GPC5: variants seen among roughly 807,000 people sequenced by gnomAD.
The protein encoded by GPC5 is glypican 5, also known as glypican-5.
Under a neutral mutation model 53.9 loss-of-function variants are expected in GPC5, and 47 were observed. That is an observed-to-expected ratio of 0.87 (90% CI 0.69 to 1.11). The LOEUF (loss-of-function observed/expected upper bound fraction) is 1.11. Ranked by LOEUF, GPC5 falls within the 50% of genes most tolerant of loss-of-function variation. The probability of loss-of-function intolerance (pLI) is 0.00; values close to 1 mark genes in which losing one functional copy is unlikely to be tolerated. For missense variants in GPC5, 748 were observed against 713.1 expected, an observed-to-expected ratio of 1.05 and a Z score of -0.56; for synonymous variants, 286 against 263.3, an observed-to-expected ratio of 1.09 and a Z score of -0.84.
intron 7 of GPC5, among the ~76,000 whole-genome samples, chr13:92,748,253 T>A (rs1318739150): frequency 1.3e-5 from 2 of 151,198 alleles, no homozygotes; most frequent in African/African-American, 2.4e-5. Flanking sequence ...GTAGTAATAA[T>A]GTAAGACAAA....
At chr13:92,740,311 T>C (rs1889049957) in intron 7 of GPC5, among the ~76,000 whole-genome samples, 2 of 152,086 alleles carry the variant, frequency 1.3e-5, no homozygotes, top group African/African-American at 2.4e-5. Context: ...TATTCTGTCC[T>C]CTGATTTTTC....
intron 7 of GPC5, among the ~76,000 whole-genome samples, chr13:92,638,479 T>A (rs1393346100): frequency 6.6e-6 from 1 of 152,060 alleles, no homozygotes; most frequent in Non-Finnish European, 1.5e-5. Flanking sequence ...GATCACCCAC[T>A]CATCTGGCTG....
At chr13:92,439,073 A>G (rs117421253) in intron 7 of GPC5, among the ~76,000 whole-genome samples, 1,568 of 152,270 alleles carry the variant, frequency 0.01, 19 homozygotes, top group Middle Eastern at 0.034. Flanking sequence ...AATTGGAGTT[A>G]CAAGAGCTAA....
intron 7 of GPC5, among the ~76,000 whole-genome samples, chr13:92,642,513 G>C (rs1007340919): frequency 6.6e-6 from 1 of 152,162 alleles, no homozygotes; most frequent in African/African-American, 2.4e-5. Context: ...TGAGCTCCCT[G>C]CTCCCTCAAC....
Position 92,456,046 on chromosome 13 carries a change from A to G in GPC5, c.1561+311057A>G, listed in dbSNP as rs543027689. Among the ~76,000 whole-genome samples, 22 of 152,308 alleles carry G rather than the reference A, an allele frequency of 1.4e-4. No individual in the cohort carries two copies. The South Asian group carries it at 3.7e-3, about 26-fold the overall frequency. On this transcript the variant is annotated intron_variant, in intron 7 of 7. Transcript: ENST00000377067. ...TTTTTCTTTTAAAAAATAAATCACC[A>G]TATTTTAATTGCTTTAAAAAGGATA...
chr13:91,659,715 T>C (rs1260482056), intron 2 of GPC5, among the ~76,000 whole-genome samples: 1 of 152,168 alleles, frequency 6.6e-6, no homozygotes, highest in Non-Finnish European at 1.5e-5. Flanking sequence ...TAGGTAGTAC[T>C]ATATGGTGCC....
chr13:91,686,943 C>A (rs1001168044), intron 2 of GPC5, among the ~76,000 whole-genome samples: 3 of 151,908 alleles, frequency 2.0e-5, no homozygotes, highest in African/African-American at 7.2e-5. Flanking sequence ...ATTGTAAAAT[C>A]ATCTGATTTT....
intron 6 of GPC5, among the ~76,000 whole-genome samples, chr13:91,954,032 CTTATG>C (rs1289099889): frequency 6.6e-6 from 1 of 152,092 alleles, no homozygotes; most frequent in Non-Finnish European, 1.5e-5. Context: ...AAAAAACTTT[CTTATG>C]TTGACAAAAA....
At chr13:91,616,599 C>T (rs1566555903) in intron 2 of GPC5, among the ~76,000 whole-genome samples, 1 of 151,922 alleles carries the variant, frequency 6.6e-6, no homozygotes, top group Admixed American at 6.6e-5. Context: ...TTGTTTATCT[C>T]TGCCAATTTT....
rs1319795964 is a variant in GPC5 at position 92,556,151 on chromosome 13, G to C, written c.1562-310131G>C. Among the ~76,000 whole-genome samples the C allele has an allele frequency of 5.3e-5, 8 of 151,786 alleles. No individual in the cohort carries two copies. The East Asian group carries it at 1.6e-3, about 29-fold the overall frequency. ...TCTGTTTTGTTTTTGTTTTGTAATGGTGGTAAAATATCTCCTGCTTTTGCT... is the reference window on the plus strand; with the variant it reads ...TCTGTTTTGTTTTTGTTTTGTAATGCTGGTAAAATATCTCCTGCTTTTGCT... On this transcript the variant is annotated intron_variant, in intron 7 of 7. Transcript: ENST00000377067.
At chr13:91,749,877 C>T (rs771476628) in intron 4 of GPC5, among the ~76,000 whole-genome samples, 5 of 152,238 alleles carry the variant, frequency 3.3e-5, no homozygotes, top group African/African-American at 7.2e-5. Flanking sequence ...GTGGCACAGT[C>T]TCAGCTCACT....
At chr13:92,114,165 A>G (rs577832481) in intron 6 of GPC5, among the ~76,000 whole-genome samples, 1 of 152,296 alleles carries the variant, frequency 6.6e-6, no homozygotes, top group Admixed American at 6.5e-5. Context: ...GAGTATAGAA[A>G]CAGAGCCTTC....
chr13:92,449,714 G>A (rs1877980981), intron 7 of GPC5, among the ~76,000 whole-genome samples: 1 of 151,988 alleles, frequency 6.6e-6, no homozygotes, highest in African/African-American at 2.4e-5. Flanking sequence ...ATCAAGAATA[G>A]TAACTACCTA....
chr13:92,531,539 A>G (rs1017346011), intron 7 of GPC5, among the ~76,000 whole-genome samples: 2 of 152,156 alleles, frequency 1.3e-5, no homozygotes, highest in Non-Finnish European at 1.5e-5. Flanking sequence ...CTTTTTATAT[A>G]TAAAGATACA....
chr13:91,857,006 G>T (rs1392209984), intron 5 of GPC5, among the ~76,000 whole-genome samples: 2 of 150,430 alleles, frequency 1.3e-5, no homozygotes, highest in South Asian at 2.1e-4. Flanking sequence ...TTATTGGAAA[G>T]ATTTTTCTTT....
At chr13:91,696,521 A>T (rs1359748976) in intron 3 of GPC5, among the ~76,000 whole-genome samples, 2 of 152,214 alleles carry the variant, frequency 1.3e-5, no homozygotes, top group Non-Finnish European at 2.9e-5. Context: ...CAGTTCGCAC[A>T]TCGATGAATT....
chr13:92,727,677 G>T (rs548607208), intron 7 of GPC5, among the ~76,000 whole-genome samples: 8 of 151,232 alleles, frequency 5.3e-5, no homozygotes, highest in Non-Finnish European at 1.2e-4. Context: ...AGCTTCATTT[G>T]CTGGGCAGAG....
intron 7 of GPC5, among the ~76,000 whole-genome samples, chr13:92,334,272 A>G (rs2043307407): frequency 6.6e-6 from 1 of 152,192 alleles, no homozygotes; most frequent in African/African-American, 2.4e-5. Flanking sequence ...GGCAGCAGGC[A>G]AGAGAGCATG....
At chr13:91,470,735 A>G (rs1476117503) in intron 2 of GPC5, among the ~76,000 whole-genome samples, 1 of 152,108 alleles carries the variant, frequency 6.6e-6, no homozygotes, top group East Asian at 1.9e-4. Context: ...AATATAACCA[A>G]TTTTGTGTCT....
Sources: gnomAD v4.1 joint callset for allele counts (sites outside exome capture counted in the v4.1 genomes callset) on GRCh38, gnomAD v4.1.1 for gene constraint, MANE v1.5 for transcripts, NCBI Gene and HGNC (gene_info 2026-07-23, HGNC 2026-07-21) for gene names.